ENPP3: variants seen among roughly 807,000 people sequenced by gnomAD.
ENPP3 encodes the protein ectonucleotide pyrophosphatase/phosphodiesterase family member 3.
A neutral mutation model predicts 117.8 loss-of-function variants in ENPP3; 104 were observed. The ratio of observed to expected loss-of-function variants is 0.88; its 90% CI spans 0.75 to 1.04. The LOEUF is 1.04. ENPP3 is among the 50% of genes least tolerant of loss of function. The pLI is 0.00. For synonymous variants in ENPP3, 380 were observed against 349.9 expected (o/e 1.09, Z -0.96); for missense variants, 1,026 against 1,051.9 (o/e 0.98, Z 0.34).
intron 6 of ENPP3, among the ~76,000 whole-genome samples, chr6:131,659,750 T>G (rs1327981003): frequency 1.3e-5 from 2 of 152,318 alleles, no homozygotes; most frequent in East Asian, 3.9e-4. Context: ...CCAGGACCTG[T>G]CATTTTTCTG....
intron 7 of ENPP3, among the ~76,000 whole-genome samples, chr6:131,671,792 A>C (rs572001345): frequency 6.6e-6 from 1 of 152,316 alleles, no homozygotes; most frequent in East Asian, 1.9e-4. Flanking sequence ...CAATAAAAGC[A>C]AGTGATATAA....
chr6:131,733,715 A>G lies in ENPP3; in HGVS notation c.2081A>G (p.Tyr694Cys), dbSNP rs201740090. The G allele has an allele frequency of 1.7e-5, 27 of 1,614,024 alleles. No individual in the cohort carries two copies. Among genetic ancestry groups the G allele is most frequent in the Non-Finnish European group, 2.0e-5 (24 of 1,179,932 alleles). The change falls in exon 21 of 25, where the codon TAT becomes TGT. Residue 694 changes from tyrosine to cysteine, a missense_variant. Physicochemically the swap from Tyr to Cys is radical, Grantham distance 194 (BLOSUM62 -2). Coordinates refer to ENST00000357639, the MANE Select transcript of ENPP3 (RefSeq NM_005021.5). ...AAGAATATCACCCACGGCTTCCTCT[A>G]TCCTCCTGGTTAGTAGAACTCTTTT... ...ADKNITHGFLYPPASNRTSDS... is the reference protein window; with the variant it reads ...ADKNITHGFLCPPASNRTSDS...
At chr6:131,694,969 C>CTTTTTTTTTTTTTTTTTT (rs1273516865) in intron 15 of ENPP3, among the ~76,000 whole-genome samples, 1 of 151,094 alleles carries the variant, frequency 6.6e-6, no homozygotes, top group African/African-American at 2.5e-5. Context: ...TAAGCCTATT[C>CTTTTTTTTTTTTTTTTTT]TGTAAGATAA....
chr6:131,641,060 A>AT (rs138895194), intron 1 of ENPP3, among the ~76,000 whole-genome samples: 2,943 of 152,282 alleles, frequency 0.019, 116 homozygotes, highest in African/African-American at 0.068. Context: ...GCAGTTAAGG[A>AT]TTTAACAGTT....
chr6:131,738,985 A>C (rs1780463987), intron 23 of ENPP3, among the ~76,000 whole-genome samples: 1 of 152,172 alleles, frequency 6.6e-6, no homozygotes, highest in South Asian at 2.1e-4. Context: ...TTCACAATTT[A>C]TTAATTCTAA....
At chr6:131,674,783 G>T (rs1778829942) in intron 8 of ENPP3, among the ~76,000 whole-genome samples, 1 of 151,870 alleles carries the variant, frequency 6.6e-6, no homozygotes, top group Non-Finnish European at 1.5e-5. Context: ...TGTTGGCCGG[G>T]ATGATCTCTA....
chr6:131,658,445 T>A (rs1181218681), intron 6 of ENPP3, 25 bp downstream of exon 6: 17 of 1,223,868 alleles, frequency 1.4e-5, no homozygotes, highest in Non-Finnish European at 2.1e-5. Flanking sequence ...ACTAGTGGCA[T>A]GCAAATGATA....
intron 17 of ENPP3, 73 bp from the exon 18 acceptor site, chr6:131,722,154 C>T (rs1412297454): frequency 4.6e-6 from 5 of 1,075,816 alleles, no homozygotes; most frequent in Non-Finnish European, 6.9e-6. Flanking sequence ...GTGTTTGTTT[C>T]TTCCCATCTC....
intron 5 of ENPP3, among the ~76,000 whole-genome samples, chr6:131,654,645 G>A (rs773057930): frequency 3.3e-5 from 5 of 151,946 alleles, no homozygotes; most frequent in Admixed American, 6.6e-5. Flanking sequence ...GTTTTTCCAT[G>A]TTGCCCAGGC....
chr6:131,674,553 C>T (rs1230514891), intron 8 of ENPP3: 3 of 444,242 alleles, frequency 6.8e-6, no homozygotes, highest in Admixed American at 7.8e-5. Flanking sequence ...TGTTTTTCCT[C>T]ATTTTGTTTT....
At chr6:131,654,449 A>G (rs947899556) in intron 5 of ENPP3, among the ~76,000 whole-genome samples, 2 of 151,920 alleles carry the variant, frequency 1.3e-5, no homozygotes, top group South Asian at 2.1e-4. Flanking sequence ...CAGTGGAGGC[A>G]TTTTTTGTTT....
chr6:131,665,044 A>G (rs1268500541), intron 6 of ENPP3, among the ~76,000 whole-genome samples: 1 of 152,180 alleles, frequency 6.6e-6, no homozygotes, highest in Non-Finnish European at 1.5e-5. Flanking sequence ...TTAATGCTAT[A>G]TATCACATTA....
At chr6:131,642,458 C>A (rs954284969) in intron 2 of ENPP3, among the ~76,000 whole-genome samples, 1 of 152,020 alleles carries the variant, frequency 6.6e-6, no homozygotes, top group Admixed American at 6.6e-5. Context: ...GTAAATGCAC[C>A]ACTTACAAAT....
intron 1 of ENPP3, 97 bp downstream of exon 1, chr6:131,637,559 G>A: frequency 1.5e-6 from 1 of 660,820 alleles, no homozygotes; most frequent in Non-Finnish European, 2.5e-6. Flanking sequence ...CTATTAAAAT[G>A]TAAACTTTTA....
At chr6:131,679,001 G>T (rs10456993) in intron 11 of ENPP3, among the ~76,000 whole-genome samples, 13 of 40,494 alleles carry the variant, frequency 3.2e-4, no homozygotes, top group African/African-American at 1.4e-3. Context: ...TTCCTTCCTT[G>T]CTTCCTTCCT....
intron 23 of ENPP3, 32 bp downstream of exon 23, chr6:131,738,195 G>A: frequency 6.3e-7 from 1 of 1,580,492 alleles, no homozygotes. Context: ...TTTATCAATA[G>A]GGTCTCATGA....
At chr6:131,638,231 T>C (rs1777968292) in intron 1 of ENPP3, among the ~76,000 whole-genome samples, 1 of 152,164 alleles carries the variant, frequency 6.6e-6, no homozygotes, top group Admixed American at 6.6e-5. Flanking sequence ...AATAACTTCC[T>C]GGTACTTTCT....
At chr6:131,639,434 T>A (rs148864574) in intron 1 of ENPP3, among the ~76,000 whole-genome samples, 9 of 151,990 alleles carry the variant, frequency 5.9e-5, no homozygotes, top group East Asian at 1.9e-4. Flanking sequence ...TCAAGCATGT[T>A]TATTATATTT....
intron 11 of ENPP3, among the ~76,000 whole-genome samples, chr6:131,678,534 T>C (rs537520010): frequency 1.3e-5 from 2 of 152,308 alleles, no homozygotes; most frequent in South Asian, 4.1e-4. Context: ...CCATTCTGTC[T>C]TCTAAACTCC....
Sources: gnomAD v4.1 joint callset for allele counts (sites outside exome capture counted in the v4.1 genomes callset) on GRCh38, gnomAD v4.1.1 for gene constraint, MANE v1.5 for transcripts, NCBI Gene and HGNC (gene_info 2026-07-23, HGNC 2026-07-21) for gene names.